Variants in POLR3C observed in about 807,000 individuals in gnomAD.
POLR3C encodes the protein RNA polymerase III subunit C, also known as DNA-directed RNA polymerase III subunit RPC3.
POLR3C carries 44 observed loss-of-function variants against 65.9 expected under a neutral mutation model. That is an observed-to-expected ratio of 0.67 (90% CI 0.52 to 0.86). The LOEUF (loss-of-function observed/expected upper bound fraction) is 0.86. Among genes scored for constraint, POLR3C ranks in the 40% least tolerant of loss-of-function variants. The pLI, the probability that POLR3C is intolerant of heterozygous loss-of-function variation, is 0.00. For synonymous variants in POLR3C, 263 were observed against 231.6 expected, an observed-to-expected ratio of 1.14 and a Z score of -1.23; for missense variants, 576 against 653.2, an observed-to-expected ratio of 0.88 and a Z score of 1.29.
At chr1:145,824,526 G>A in intron 1 of POLR3C, 157 bp downstream of exon 1, 1 of 1,290,032 alleles carries the variant, frequency 7.8e-7, no homozygotes, top group Non-Finnish European at 1.0e-6. Context: ...CTTCTCCAAA[G>A]ATATGTGGAT....
chr1:145,828,472 C>T (rs1299276487), intron 4 of POLR3C, among the ~76,000 whole-genome samples: 2 of 152,126 alleles, frequency 1.3e-5, no homozygotes, highest in East Asian at 3.8e-4. Flanking sequence ...CTAAGAGTGA[C>T]ATCTGTGTGT....
chr1:145,836,654 A>G (rs1394163091), intron 8 of POLR3C, 80 bp downstream of exon 8: 2 of 988,582 alleles, frequency 2.0e-6, no homozygotes, highest in African/African-American at 3.2e-5. Context: ...ACCTAGTGTC[A>G]TCCTCCTGCA....
rs201925193 is a variant in POLR3C, at chr1:145,826,518, G to A, written c.212G>A (p.Gly71Asp). Residue 71 changes from glycine (G) to aspartate (D), a missense_variant, in exon 3 of 15, where the codon GGT (glycine) becomes GAT (aspartate). Transcript: ENST00000334163. The stretch of plus-strand genomic sequence containing the variant: ...GTGAGTTATCAAGTGCACAAACGTG[G>A]TGTGGTGGAGTATGAAGCCCAGTGC... ...NLVSYQVHKR[G>D]VVEYEAQCSR... 2.5e-4 allele frequency: 401 copies of A among 1,613,710 alleles called. No individual in the cohort carries two copies. The highest frequency in any genetic ancestry group is 1.2e-5 in the Non-Finnish European group (14 of 1,179,944).
Position 145,841,044 on chromosome 1 carries a change from T to A in POLR3C, c.1496T>A (p.Leu499Gln). 6.2e-7 allele frequency: 1 copy of A among 1,613,920 alleles called. No homozygotes were observed. Among genetic ancestry groups the A allele is most frequent in the Middle Eastern group, 1.7e-4 (1 of 6,058 alleles). ...EMITAPERQQ[L>Q]ETLKRNVNKL... ...ATCACAGCTCCTGAACGTCAGCAGCTAGAGACCCTGAAACGTAATGTCAAC... is the reference window on the plus strand; with the variant it reads ...ATCACAGCTCCTGAACGTCAGCAGCAAGAGACCCTGAAACGTAATGTCAAC... Residue 499 changes from leucine (L) to glutamine (Q), a missense_variant, in exon 14 of 15, where the codon CTA becomes CAA. By Grantham distance (113) the Leu-to-Gln change is moderately radical. Transcript: ENST00000334163.
Position 145,824,382 on chromosome 1 carries a change from T to C in POLR3C, c.-21+13T>C, listed in dbSNP as rs1650514511. On this transcript the variant is annotated intron_variant, in intron 1 of 14. Transcript: ENST00000334163. ...CGCTGACCCTGAGGTTAGTGGAAAA[T>C]GCTGTCTGAACGTGGCGGCACTGAC... The C allele has an allele frequency of 2.4e-6, 1 of 421,192 alleles. No homozygotes were observed. Among genetic ancestry groups the C allele is most frequent in the East Asian group, 7.6e-5 (1 of 13,118 alleles). 26.1% of individuals were successfully genotyped at this position (421,192 alleles called of 1,614,324 possible).
chr1:145,829,955 G>A (rs1270026374), intron 5 of POLR3C, among the ~76,000 whole-genome samples: 1 of 152,090 alleles, frequency 6.6e-6, no homozygotes, highest in Non-Finnish European at 1.5e-5. Flanking sequence ...TATTATTTGT[G>A]TACATGTTTG....
chr1:145,833,334 T>C lies in POLR3C; in HGVS notation c.753T>C (p.Ile251=). The C allele has an allele frequency of 2.5e-6, 4 of 1,613,512 alleles. No individual in the cohort carries two copies. Among genetic ancestry groups the C allele is most frequent in the Non-Finnish European group, 3.4e-6 (4 of 1,179,482 alleles). The change falls in exon 6 of 15, where the codon ATT becomes ATC. Residue 251 remains isoleucine (I), a synonymous_variant. Transcript: ENST00000334163. ...RFHQHFRDQA[I]VSAVANRMDQ... The stretch of plus-strand genomic sequence containing the variant: ...ACCAACACTTCCGTGACCAAGCCAT[T>C]GTGAGCGCAGTTGCTAACAGGATGG...
At chr1:145,838,677 ACT>A (rs1427260953) in intron 11 of POLR3C, among the ~76,000 whole-genome samples, 2 of 151,938 alleles carry the variant, frequency 1.3e-5, no homozygotes, top group Non-Finnish European at 2.9e-5. Context: ...ACAGAGTGAG[ACT>A]CTGTCTCAAA....
rs376550087 is a variant in POLR3C, at chr1:145,826,838, A to C, written c.422A>C (p.Tyr141Ser). 21 of 1,611,166 alleles carry C rather than the reference A, an allele frequency of 1.3e-5. No homozygotes were observed. Among genetic ancestry groups the C allele is most frequent in the Middle Eastern group, 3.3e-4 (2 of 6,050 alleles). ...ETMEDGKTMD[Y>S]AEVSNTFVRL... Reference sequence around the variant, plus strand: ...TATACAGATGGCAAGACCATGGACTATGCTGAAGTATCAAACACATTTGTG... The same window carrying C: ...TATACAGATGGCAAGACCATGGACTCTGCTGAAGTATCAAACACATTTGTG... Residue 141 changes from tyrosine (Y) to serine (S), a missense_variant, in exon 4 of 15, where the codon TAT becomes TCT. Transcript: ENST00000334163.
intron 7 of POLR3C, 127 bp downstream of exon 7, chr1:145,833,709 A>C: frequency 1.5e-6 from 1 of 684,078 alleles, no homozygotes. Context: ...GATGTGGAGC[A>C]GGGATTATCT....
rs1450319215 is a variant in POLR3C at position 145,843,973 on chromosome 1, A to G, written c.*1553A>G. Among the ~76,000 whole-genome samples, 3 of 152,216 alleles carry G rather than the reference A, an allele frequency of 2.0e-5. No individual in the cohort carries two copies. The highest frequency in any genetic ancestry group is 7.2e-5 in the African/African-American group (3 of 41,460). On this transcript the variant is annotated 3_prime_UTR_variant, in exon 15 of 15. Coordinates refer to ENST00000334163, the MANE Select transcript of POLR3C (RefSeq NM_006468.8). The stretch of plus-strand genomic sequence containing the variant: ...AATGGAAATCAAAATCAATGAGATA[A>G]CATCTCACCCCAATTCATTACTTTT...
intron 4 of POLR3C, among the ~76,000 whole-genome samples, chr1:145,828,203 C>A (rs1650946215): frequency 6.6e-6 from 1 of 152,180 alleles, no homozygotes; most frequent in African/African-American, 2.4e-5. Flanking sequence ...GGGGTCTGAT[C>A]TCAGAAGCTA....
In POLR3C at chr1:145,842,400, T is replaced by A. The variant is rs782692662; in HGVS notation, c.1585T>A (p.Cys529Ser). 3 of 1,608,860 alleles carry A rather than the reference T, an allele frequency of 1.9e-6. No individual in the cohort carries two copies. The highest frequency in any genetic ancestry group is 1.1e-5 in the South Asian group (1 of 91,002). ...TIFLLESYIE[C>S]TMKRQ ...CTTCCTGCTGGAGTCTTACATTGAG[T>A]GCACCATGAAGAGACAGTGATCCAG... Residue 529 changes from cysteine to serine, a missense_variant, in exon 15 of 15, where the codon TGC becomes AGC. Transcript: ENST00000334163.
chr1:145,837,538 C>T lies in POLR3C; in HGVS notation c.1012C>T (p.Leu338Phe), dbSNP rs782285455. ...TGACCTTAATTCTCTACATAAAGAC[C>T]TCCATAAGGCATTAGCATCCCTAGC... ...DSGGGMYVIN[L>F]HKALASLATA... The change falls in exon 10 of 15, where the codon CTC becomes TTC. Residue 338 changes from leucine (L) to phenylalanine (F), a missense_variant and splice_region_variant. Leu to Phe is a conservative substitution (Grantham distance 22). Transcript: ENST00000334163. 3.2e-6 allele frequency: 5 copies of T among 1,582,586 alleles called. No homozygotes were observed. In the South Asian group the frequency reaches 4.6e-5, roughly 15 times the overall value.
intron 7 of POLR3C, among the ~76,000 whole-genome samples, chr1:145,835,198 C>T (rs1651705004): frequency 6.7e-6 from 1 of 150,184 alleles, no homozygotes. Context: ...CCCGTAATCC[C>T]AGTACTTTGG....
At position 145,840,496 on chromosome 1, in the gene POLR3C, C is replaced by T. The variant is rs1263359450; in HGVS notation, c.1373+331C>T. On this transcript the variant is annotated intron_variant, in intron 13 of 14. Transcript: ENST00000334163. ...TGGAGGTTGCAGTGAACCAAGATCA[C>T]GCCACTGCACTCCAGCCTGGGCGAC... is the stretch of plus-strand genomic sequence containing the variant. The T allele has an allele frequency of 2.1e-5, 6 of 289,488 alleles. No individual in the cohort carries two copies. The East Asian group carries it at 2.4e-4, about 12-fold the overall frequency. The allele number at this position is 289,488 out of a possible 1,614,324, so 17.9% of individuals were successfully genotyped here.
intron 13 of POLR3C, 149 bp from the exon 14 acceptor site, chr1:145,840,773 A>C: frequency 1.9e-6 from 1 of 539,636 alleles, no homozygotes; most frequent in Non-Finnish European, 3.3e-6. Context: ...TATATTTCCA[A>C]ATAAGTTTGT....
In POLR3C at chr1:145,826,519, T is replaced by C; in HGVS notation, c.213T>C (p.Gly71=). The C allele has an allele frequency of 6.2e-7, 1 of 1,613,730 alleles. No homozygotes were observed. The highest frequency in any genetic ancestry group is 8.5e-7 in the Non-Finnish European group (1 of 1,179,908). The change falls in exon 3 of 15, where the codon GGT becomes GGC. Residue 71 remains glycine (G), a synonymous_variant. Coordinates refer to ENST00000334163, the MANE Select transcript of POLR3C (RefSeq NM_006468.8). Reference sequence around the variant, plus strand: ...TGAGTTATCAAGTGCACAAACGTGGTGTGGTGGAGTATGAAGCCCAGTGCA... The same window carrying C: ...TGAGTTATCAAGTGCACAAACGTGGCGTGGTGGAGTATGAAGCCCAGTGCA... The part of the protein sequence containing the change: ...NLVSYQVHKR[G]VVEYEAQCSR...
At position 145,826,852 on chromosome 1, in the gene POLR3C, A is replaced by G. The variant is rs1315383297; in HGVS notation, c.436A>G (p.Asn146Asp). Residue 146 changes from asparagine (N) to aspartate (D), a missense_variant, in exon 4 of 15, where the codon AAC becomes GAC. Asn to Asp is a conservative substitution (Grantham distance 23). Transcript: ENST00000334163. ...GACCATGGACTATGCTGAAGTATCA[A>G]ACACATTTGTGCGACTGGCAGACAC... ...GKTMDYAEVSNTFVRLADTHF... is the reference protein window; with the variant it reads ...GKTMDYAEVSDTFVRLADTHF... 4 of 1,611,800 alleles carry G rather than the reference A, an allele frequency of 2.5e-6. No homozygotes were observed. Among genetic ancestry groups the G allele is most frequent in the Non-Finnish European group, 2.5e-6 (3 of 1,178,994 alleles).
Sources: allele counts gnomAD v4.1 joint callset (sites outside exome capture counted in the v4.1 genomes callset), GRCh38; gene constraint gnomAD v4.1.1; transcripts MANE v1.5; gene names NCBI Gene and HGNC (gene_info 2026-07-23, HGNC 2026-07-21).